ZNF257: variants seen among roughly 807,000 people sequenced by gnomAD.
ZNF257 encodes bone marrow zinc finger 4.
In ZNF257, 12 loss-of-function variants were observed where a neutral mutation model predicts 11.9. The ratio of observed to expected loss-of-function variants is 1.01; its 90% CI spans 0.65 to 1.63. ZNF257 has a LOEUF of 1.63. Ranked by LOEUF, ZNF257 falls within the 40% of genes most tolerant of loss-of-function variation. The probability of loss-of-function intolerance (pLI) is 0.00; values close to 1 mark genes in which losing one functional copy is unlikely to be tolerated. For missense variants in ZNF257, 580 were observed against 665.5 expected (o/e 0.87, Z 1.41); for synonymous variants, 183 against 222.7 (o/e 0.82, Z 1.59).
At chr19:22,074,882 T>C (rs1190209493) in intron 3 of ZNF257, among the ~76,000 whole-genome samples, 1 of 152,056 alleles carries the variant, frequency 6.6e-6, no homozygotes, top group Admixed American at 6.6e-5. Flanking sequence ...TTCAATGGCT[T>C]TTTGAAAACT....
Position 22,052,619 on chromosome 19 carries a change from C to T in ZNF257, c.-14C>T. The T allele has an allele frequency of 6.2e-7, 1 of 1,607,624 alleles. No homozygotes were observed. Among genetic ancestry groups the T allele is most frequent in the Non-Finnish European group, 8.5e-7 (1 of 1,176,038 alleles). ...TCCCCAGCTAAGACGCCAGGTCCTCCTGGAAGCCTAGAAATGGTGAGAGTG... is the reference window on the plus strand; with the variant it reads ...TCCCCAGCTAAGACGCCAGGTCCTCTTGGAAGCCTAGAAATGGTGAGAGTG... On this transcript the variant is annotated 5_prime_UTR_variant, in exon 1 of 4. Transcript: ENST00000594947.
chr19:22,064,236 C>T (rs974212956), intron 1 of ZNF257: 1 of 152,184 alleles, frequency 6.6e-6, no homozygotes, highest in African/African-American at 2.4e-5. Context: ...CTTTATTCTT[C>T]TACCTTGAAA....
intron 3 of ZNF257, chr19:22,075,908 A>C (rs1225636849): frequency 2.0e-5 from 3 of 152,046 alleles, no homozygotes; most frequent in Non-Finnish European, 4.4e-5. Flanking sequence ...ATGGCCAACA[A>C]ATTTTCTTGC....
At chr19:22,067,886 C>CA (rs2021996924) in intron 1 of ZNF257, among the ~76,000 whole-genome samples, 3 of 151,230 alleles carry the variant, frequency 2.0e-5, no homozygotes, top group Non-Finnish European at 4.4e-5. Flanking sequence ...GTCTCCCCCC[C>CA]GCTTGAGCTA....
chr19:22,087,858 G>A (rs1240116383), intron 3 of ZNF257, 119 bp from the exon 4 acceptor site: 2 of 901,580 alleles, frequency 2.2e-6, no homozygotes, highest in African/African-American at 1.7e-5. Context: ...ATTAGAGCCT[G>A]TGGTATTTTG....
At chr19:22,069,000 C>T (rs2022031494) in intron 1 of ZNF257, among the ~76,000 whole-genome samples, 1 of 152,166 alleles carries the variant, frequency 6.6e-6, no homozygotes, top group East Asian at 1.9e-4. Context: ...GCTTCTGTCT[C>T]AGTGTAAGAG....
chr19:22,078,240 A>G (rs1450033378), intron 3 of ZNF257, among the ~76,000 whole-genome samples: 1 of 149,418 alleles, frequency 6.7e-6, no homozygotes, highest in East Asian at 1.9e-4. Context: ...TCCAACTAAA[A>G]AAAAAAAAAA....
chr19:22,080,598 A>G (rs921366943), intron 3 of ZNF257, among the ~76,000 whole-genome samples: 2 of 146,980 alleles, frequency 1.4e-5, no homozygotes, highest in Non-Finnish European at 3.0e-5. Flanking sequence ...TTTTTTTTTT[A>G]AATAAATTAT....
At chr19:22,057,974 C>CTGG (rs2021688005) in intron 1 of ZNF257, among the ~76,000 whole-genome samples, 1 of 152,090 alleles carries the variant, frequency 6.6e-6, no homozygotes, top group Non-Finnish European at 1.5e-5. Context: ...GTTGGCCAGG[C>CTGG]TGGTCTTGAA....
intron 1 of ZNF257, among the ~76,000 whole-genome samples, chr19:22,056,048 C>A (rs2021626182): frequency 1.6e-5 from 2 of 123,140 alleles, no homozygotes; most frequent in African/African-American, 6.5e-5. Flanking sequence ...GAGCGAGACT[C>A]CGTCTCAAAA....
At chr19:22,054,426 C>G (rs1379421712) in intron 1 of ZNF257, among the ~76,000 whole-genome samples, 8 of 152,090 alleles carry the variant, frequency 5.3e-5, no homozygotes, top group Non-Finnish European at 7.4e-5. Context: ...CCCTCCTCCC[C>G]CTTCATCATT....
In ZNF257 at chr19:22,073,496, T is replaced by C. The variant is rs190791079; in HGVS notation, c.158T>C (p.Ile53Thr). 4.7e-4 allele frequency: 756 copies of C among 1,612,012 alleles called. 1 individual carries two copies. Among genetic ancestry groups the C allele is most frequent in the Admixed American group, 9.9e-4 (59 of 59,682 alleles). ...ATTGCTGTCTCTAAGCCAGACCTGA[T>C]CACCTGTCTGGAGCAAGGAAAAGAG... ...LGIAVSKPDL[I>T]TCLEQGKEPC... Residue 53 changes from isoleucine to threonine, a missense_variant, in exon 3 of 4, where the codon ATC becomes ACC. Transcript: ENST00000594947.
chr19:22,065,115 A>G (rs751455248), intron 1 of ZNF257, among the ~76,000 whole-genome samples: 27 of 152,188 alleles, frequency 1.8e-4, no homozygotes, highest in Non-Finnish European at 2.9e-4. Context: ...TTTACTTTCA[A>G]TGAATCAGAT....
Position 22,072,844 on chromosome 19 carries a change from C to A in ZNF257, c.39C>A (p.Phe13Leu), listed in dbSNP as rs2022135843. ...PLTIRDVTVEFSLEEWHCLDT... is the reference protein window; with the variant it reads ...PLTIRDVTVELSLEEWHCLDT... ...CAATTAGGGATGTGACTGTAGAATT[C>A]TCTCTGGAGGAGTGGCATTGCCTGG... The change falls in exon 2 of 4, where the codon TTC becomes TTA. Residue 13 changes from phenylalanine (F) to leucine (L), a missense_variant. Phe to Leu is a conservative substitution (Grantham distance 22). Coordinates refer to ENST00000594947, the MANE Select transcript of ZNF257 (RefSeq NM_033468.4). 1.2e-6 allele frequency: 2 copies of A among 1,613,130 alleles called. No individual in the cohort carries two copies. The highest frequency in any genetic ancestry group is 4.5e-5 in the East Asian group (2 of 44,842).
Position 22,073,502 on chromosome 19 carries a change from G to C in ZNF257, c.164G>C (p.Cys55Ser), listed in dbSNP as rs144067219. The C allele has an allele frequency of 3.2e-4, 510 of 1,612,128 alleles. 2 individuals carry two copies. In the African/African-American group the frequency reaches 5.7e-3, roughly 18 times the overall value. Residue 55 changes from cysteine to serine, a missense_variant, in exon 3 of 4, where the codon TGT becomes TCT. By Grantham distance (112) the Cys-to-Ser change is moderately radical (BLOSUM62 -1). Coordinates refer to ENST00000594947, the MANE Select transcript of ZNF257 (RefSeq NM_033468.4). The part of the protein sequence containing the change: ...IAVSKPDLIT[C>S]LEQGKEPCNM... ...GTCTCTAAGCCAGACCTGATCACCT[G>C]TCTGGAGCAAGGAAAAGAGCCCTGT... is the stretch of plus-strand genomic sequence containing the variant.
At chr19:22,071,409 G>C (rs867213769) in intron 1 of ZNF257, among the ~76,000 whole-genome samples, 1 of 151,904 alleles carries the variant, frequency 6.6e-6, no homozygotes, top group African/African-American at 2.4e-5. Context: ...GCATATTCTC[G>C]AGATGCAGGT....
rs146700276 is a variant in ZNF257 at position 22,069,587 on chromosome 19, C to T, written c.4-3222C>T. Among the ~76,000 whole-genome samples the T allele has an allele frequency of 2.8e-3, 417 of 148,102 alleles. 5 individuals carry two copies. Among genetic ancestry groups the T allele is most frequent in the African/African-American group, 1.0e-2 (398 of 39,994 alleles). On this transcript the variant is annotated intron_variant, in intron 1 of 3. Coordinates refer to ENST00000594947, the MANE Select transcript of ZNF257 (RefSeq NM_033468.4). ...CCAAGATTGAGTGATTGAGTGATTG[C>T]ATTCCAGCCTGGACATCAGGGCAAG... is the stretch of plus-strand genomic sequence containing the variant.
At chr19:22,084,095 G>C (rs371658903) in intron 3 of ZNF257, among the ~76,000 whole-genome samples, 8 of 150,576 alleles carry the variant, frequency 5.3e-5, no homozygotes, top group African/African-American at 1.7e-4. Flanking sequence ...AGCTGAGATC[G>C]CGCCATCGCA....
chr19:22,071,908 G>A (rs2022111938), intron 1 of ZNF257, among the ~76,000 whole-genome samples: 1 of 152,062 alleles, frequency 6.6e-6, no homozygotes, highest in African/African-American at 2.4e-5. Flanking sequence ...TATTTAAGGA[G>A]GATGGCATTT....
Sources: allele counts gnomAD v4.1 joint callset (sites outside exome capture counted in the v4.1 genomes callset), GRCh38; gene constraint gnomAD v4.1.1; transcripts MANE v1.5; gene names NCBI Gene and HGNC (gene_info 2026-07-23, HGNC 2026-07-21).